The following SIL1 variants were observed in gnomAD, a reference collection of about 807,000 sequenced individuals.
The protein encoded by SIL1 is SIL1 nucleotide exchange factor, also known as nucleotide exchange factor SIL1.
In SIL1, 40 loss-of-function variants were observed where a neutral mutation model predicts 49.1. That is an observed-to-expected ratio of 0.81 (90% CI 0.63 to 1.06). The LOEUF (loss-of-function observed/expected upper bound fraction) is 1.06. Ranked by LOEUF, SIL1 falls within the 50% of genes least tolerant of loss-of-function variation. The pLI is 0.00. For synonymous variants in SIL1, 253 were observed against 250.8 expected, an observed-to-expected ratio of 1.01 and a Z score of -0.08; for missense variants, 500 against 572.6, an observed-to-expected ratio of 0.87 and a Z score of 1.29.
chr5:139,020,722 G>A (rs763750360), intron 7 of SIL1, among the ~76,000 whole-genome samples: 38 of 152,156 alleles, frequency 2.5e-4, no homozygotes, highest in Non-Finnish European at 4.9e-4. Context: ...CCTAGAGAGG[G>A]CGATAATCTG....
chr5:139,069,332 G>A (rs1301968209), intron 3 of SIL1, among the ~76,000 whole-genome samples: 1 of 151,968 alleles, frequency 6.6e-6, no homozygotes, highest in Non-Finnish European at 1.5e-5. Context: ...AGAACTCAAT[G>A]AAGAATCAGA....
intron 3 of SIL1, among the ~76,000 whole-genome samples, chr5:139,112,494 GCGA>G (rs1221063134): frequency 3.4e-5 from 5 of 146,904 alleles, no homozygotes; most frequent in Middle Eastern, 3.7e-3. Context: ...CTGCCCGGCC[GCGA>G]CCCCGTCTGG....
At chr5:139,084,139 G>T (rs1010753645) in intron 3 of SIL1, among the ~76,000 whole-genome samples, 3 of 151,726 alleles carry the variant, frequency 2.0e-5, no homozygotes, top group African/African-American at 4.8e-5. Flanking sequence ...TGTTCTTTTG[G>T]CTTAGGATTG....
chr5:139,024,868 G>T (rs576384623), intron 6 of SIL1, among the ~76,000 whole-genome samples: 1 of 152,198 alleles, frequency 6.6e-6, no homozygotes, highest in East Asian at 1.9e-4. Flanking sequence ...TTATCTCTCT[G>T]AGCTGTATGT....
chr5:139,125,670 G>A (rs1750737722), intron 2 of SIL1, among the ~76,000 whole-genome samples: 1 of 152,160 alleles, frequency 6.6e-6, no homozygotes, highest in Non-Finnish European at 1.5e-5. Flanking sequence ...TTAAGAGGGA[G>A]GTACCAACCC....
intron 3 of SIL1, among the ~76,000 whole-genome samples, chr5:139,056,096 G>A (rs1354406245): frequency 6.7e-6 from 1 of 150,240 alleles, no homozygotes; most frequent in Non-Finnish European, 1.5e-5. Flanking sequence ...CCGCCACCCC[G>A]TCTGGGAAGT....
intron 1 of SIL1, among the ~76,000 whole-genome samples, chr5:139,162,742 C>T (rs897708016): frequency 2.0e-5 from 3 of 152,118 alleles, no homozygotes; most frequent in African/African-American, 7.2e-5. Flanking sequence ...ATGCCAGGTA[C>T]CTTTCCTAGG....
intron 1 of SIL1, among the ~76,000 whole-genome samples, chr5:139,191,050 G>A (rs779571683): frequency 6.6e-6 from 1 of 151,778 alleles, no homozygotes; most frequent in Non-Finnish European, 1.5e-5. Context: ...TGGCCAACAT[G>A]GTAAAACCCC....
chr5:139,040,580 C>T (rs1166361562), intron 5 of SIL1, among the ~76,000 whole-genome samples: 3 of 147,198 alleles, frequency 2.0e-5, no homozygotes, highest in African/African-American at 7.6e-5. Flanking sequence ...CTCACTGCAA[C>T]CTCCACCTCC....
At chr5:139,144,772 G>A (rs1751159617) in intron 1 of SIL1, among the ~76,000 whole-genome samples, 2 of 152,112 alleles carry the variant, frequency 1.3e-5, no homozygotes, top group Admixed American at 1.3e-4. Flanking sequence ...TCGGGAGGCT[G>A]AAGCACAAGA....
chr5:138,980,071 T>C (rs2150398454), intron 7 of SIL1, among the ~76,000 whole-genome samples: 1 of 152,352 alleles, frequency 6.6e-6, no homozygotes, highest in East Asian at 1.9e-4. Context: ...AAGGGGGCTC[T>C]AGGCTCTTGC....
chr5:138,946,973 C>T lies in SIL1; in HGVS notation c.*144G>A. 1.4e-6 allele frequency: 1 copy of T among 719,158 alleles called. No homozygotes were observed. Among genetic ancestry groups the T allele is most frequent in the South Asian group, 1.6e-5 (1 of 62,740 alleles). The allele number at this position is 719,158 out of a possible 1,614,324, so 44.5% of individuals were successfully genotyped here. On this transcript the variant is annotated 3_prime_UTR_variant, in exon 10 of 10. Coordinates refer to ENST00000394817, the MANE Select transcript of SIL1 (RefSeq NM_022464.5). ...GGGCTGTGCCCAGTCTACACAGACA[C>T]ACAGCAGAAAGAGGATGGCCTTCAG...
At position 138,951,108 on chromosome 5, in the gene SIL1, T is replaced by C. The variant is rs1038025370; in HGVS notation, c.1029+63A>G. The C allele has an allele frequency of 2.2e-5, 35 of 1,558,160 alleles. No individual in the cohort carries two copies. In the African/African-American group the frequency reaches 2.3e-4, roughly 10 times the overall value. ...GTCCGCAGTCTCTTCCATCTGTCTG[T>C]CCATCCACCCAGAAGCACACACAAA... is the stretch of plus-strand genomic sequence containing the variant. On this transcript the variant is annotated intron_variant, in intron 9 of 9. Coordinates refer to ENST00000394817, the MANE Select transcript of SIL1 (RefSeq NM_022464.5).
chr5:139,028,726 C>A (rs919553921), intron 5 of SIL1, among the ~76,000 whole-genome samples: 3 of 152,138 alleles, frequency 2.0e-5, no homozygotes, highest in Non-Finnish European at 4.4e-5. Flanking sequence ...AGACTAAACA[C>A]CTTGTTTGGA....
intron 7 of SIL1, among the ~76,000 whole-genome samples, chr5:139,004,276 C>T (rs1476150861): frequency 6.6e-6 from 1 of 152,146 alleles, no homozygotes; most frequent in Non-Finnish European, 1.5e-5. Context: ...GCTGAGATTA[C>T]AGGTGTGAGC....
intron 5 of SIL1, chr5:139,035,193 G>A (rs1043571259): frequency 1.2e-5 from 5 of 402,782 alleles, no homozygotes; most frequent in African/African-American, 8.3e-5. Flanking sequence ...TGTCATCTAT[G>A]ATGTCATGAG....
intron 7 of SIL1, among the ~76,000 whole-genome samples, chr5:139,014,386 G>A (rs1398910676): frequency 6.7e-6 from 1 of 149,362 alleles, no homozygotes; most frequent in African/African-American, 2.5e-5. Flanking sequence ...AAAAAAAAGA[G>A]TCAGTTTAGG....
chr5:139,191,461 G>C (rs539607963), intron 1 of SIL1, among the ~76,000 whole-genome samples: 1 of 152,066 alleles, frequency 6.6e-6, no homozygotes, highest in South Asian at 2.1e-4. Flanking sequence ...ACTATCCCCA[G>C]AGGTAAAGAA....
chr5:139,185,469 A>G (rs1752061878), intron 1 of SIL1, among the ~76,000 whole-genome samples: 1 of 152,166 alleles, frequency 6.6e-6, no homozygotes, highest in Non-Finnish European at 1.5e-5. Context: ...TTCTGTAGGA[A>G]CTTAACTCTT....
Sources: allele counts gnomAD v4.1 joint callset (sites outside exome capture counted in the v4.1 genomes callset), GRCh38; gene constraint gnomAD v4.1.1; transcripts MANE v1.5; gene names NCBI Gene and HGNC (gene_info 2026-07-23, HGNC 2026-07-21).